Variants in OLFML2A observed in about 807,000 individuals in gnomAD.
The protein encoded by OLFML2A is olfactomedin like 2A, also known as olfactomedin-like protein 2A.
A neutral mutation model predicts 60.9 loss-of-function variants in OLFML2A; 47 were observed. The observed-to-expected ratio is 0.77, with a 90% CI of 0.61 to 0.98. The LOEUF (loss-of-function observed/expected upper bound fraction) is 0.98, where lower values mean the gene tolerates loss of function less well. Ranked by LOEUF, OLFML2A falls within the 50% of genes least tolerant of loss-of-function variation. The pLI, the probability that OLFML2A is intolerant of heterozygous loss-of-function variation, is 0.00. For synonymous variants in OLFML2A, 372 were observed against 375.0 expected (o/e 0.99, Z 0.09); for missense variants, 922 against 879.8 (o/e 1.05, Z -0.61).
chr9:124,777,780 A>C lies in OLFML2A; in HGVS notation c.90+420A>C, dbSNP rs1841284298. Among the ~76,000 whole-genome samples, 1 of 152,042 alleles carries C rather than the reference A, an allele frequency of 6.6e-6. No individual in the cohort carries two copies. The highest frequency in any genetic ancestry group is 6.6e-5 in the Admixed American group (1 of 15,266). ...GACTGGGGGTCTTCTCTACCCGATG[A>C]ACGCAGCCGCGCTGGCCACTCGCCT... On this transcript the variant is annotated intron_variant, in intron 1 of 7. Transcript: ENST00000373580. This position sits in a 1 kb window ranked among gnomAD's most constrained non-coding sequence, Gnocchi z 6.2.
chr9:124,797,774 A>T (rs541121414), intron 3 of OLFML2A, among the ~76,000 whole-genome samples: 8 of 152,312 alleles, frequency 5.3e-5, no homozygotes, highest in South Asian at 2.1e-4. Context: ...CTCTCCAGTG[A>T]ACAAGGCCAG....
In OLFML2A at chr9:124,801,639, C is replaced by T. The variant is rs752668410; in HGVS notation, c.895C>T (p.Gln299Ter). Reference protein sequence around the residue: ...RGFTYYKAGKQEVTEAVADNT... With the variant: ...RGFTYYKAGK ...CTTCACCTACTACAAGGCAGGCAAG[C>T]AGGAGGTGACCGAGGCGGTGGCAGG... Residue 299 changes from glutamine to a stop codon, truncating the protein, a stop_gained, in exon 5 of 8, where the codon CAG becomes TAG. Coordinates refer to ENST00000373580, the MANE Select transcript of OLFML2A (RefSeq NM_182487.4). LOFTEE classifies it high-confidence loss of function. The T allele has an allele frequency of 1.4e-5, 22 of 1,613,426 alleles. No individual in the cohort carries two copies. The highest frequency in any genetic ancestry group is 1.9e-5 in the Non-Finnish European group (22 of 1,179,790).
rs1336361375 is a variant in OLFML2A, at chr9:124,799,378, G to A, written c.556G>A (p.Ala186Thr). The A allele has an allele frequency of 6.2e-7, 1 of 1,613,818 alleles. No homozygotes were observed. Among genetic ancestry groups the A allele is most frequent in the African/African-American group, 1.3e-5 (1 of 74,948 alleles). ...EQLRHYENHSAIMLGIKKELS... is the reference protein window; with the variant it reads ...EQLRHYENHSTIMLGIKKELS... Reference sequence around the variant, plus strand: ...GTTGAGGCACTATGAGAATCACTCTGCCATCATGCTGGGCATCAAGAAGGA... The same window carrying A: ...GTTGAGGCACTATGAGAATCACTCTACCATCATGCTGGGCATCAAGAAGGA... Residue 186 changes from alanine to threonine, a missense_variant, in exon 4 of 8, where the codon GCC (alanine) becomes ACC (threonine). Physicochemically the swap from Ala to Thr is moderately conservative, Grantham distance 58. Coordinates refer to ENST00000373580, the MANE Select transcript of OLFML2A (RefSeq NM_182487.4).
In OLFML2A at chr9:124,787,061, C is replaced by G. The variant is rs185531703; in HGVS notation, c.177C>G (p.Asp59Glu). The change falls in exon 2 of 8, where the codon GAC (aspartate) becomes GAG (glutamate). Residue 59 changes from aspartate to glutamate, a missense_variant. Transcript: ENST00000373580. ...GCATCATGCGGCCCCTGAGCAAGGA[C>G]GCGTGTAGCCGAGTGCGCAGTGGGC... ...CKCIMRPLSK[D>E]ACSRVRSGRA... 3.5e-5 allele frequency: 57 copies of G among 1,614,050 alleles called. No individual in the cohort carries two copies. In the South Asian group the frequency reaches 6.1e-4, roughly 17 times the overall value.
intron 6 of OLFML2A, 125 bp from the exon 7 acceptor site, chr9:124,807,656 A>G: frequency 1.5e-6 from 1 of 680,892 alleles, no homozygotes; most frequent in Non-Finnish European, 2.4e-6. Context: ...GGAAAGGGGA[A>G]AGAAGGCCAC....
rs1355103363 is a variant in OLFML2A, at chr9:124,810,045, G to A, written c.1592G>A (p.Trp531Ter). The change falls in exon 8 of 8, where the codon TGG (tryptophan) becomes TAG (stop). Residue 531 changes from tryptophan to a stop codon, truncating the protein, a stop_gained. Coordinates refer to ENST00000373580, the MANE Select transcript of OLFML2A (RefSeq NM_182487.4). LOFTEE classifies it high-confidence loss of function. ...IDFAVDESGL[W>*]VIYPAVDDRD... ...TTTGCCGTGGACGAGAGCGGCCTGT[G>A]GGTCATCTACCCCGCCGTGGACGAC... 1.2e-6 allele frequency: 2 copies of A among 1,613,798 alleles called. No individual in the cohort carries two copies. Among genetic ancestry groups the A allele is most frequent in the African/African-American group, 2.7e-5 (2 of 74,916 alleles).
At chr9:124,805,576 G>A (rs1841876292) in intron 6 of OLFML2A, among the ~76,000 whole-genome samples, 1 of 151,924 alleles carries the variant, frequency 6.6e-6, no homozygotes, top group African/African-American at 2.4e-5. Flanking sequence ...AAAAAGAAAA[G>A]GAAGGAAATG....
chr9:124,805,838 C>T (rs532334072), intron 6 of OLFML2A, among the ~76,000 whole-genome samples: 6 of 93,926 alleles, frequency 6.4e-5, no homozygotes, highest in East Asian at 3.8e-4. Flanking sequence ...TTTTTTGAGA[C>T]GGAGTCTGAC....
intron 2 of OLFML2A, among the ~76,000 whole-genome samples, chr9:124,788,400 G>A (rs1317575465): frequency 6.6e-6 from 1 of 151,958 alleles, no homozygotes; most frequent in Non-Finnish European, 1.5e-5. Context: ...GAGGTCAGGA[G>A]CTCAAGAGCA....
intron 1 of OLFML2A, among the ~76,000 whole-genome samples, chr9:124,782,941 G>A (rs1024233570): frequency 3.9e-5 from 6 of 152,202 alleles, no homozygotes; most frequent in Admixed American, 2.6e-4. Context: ...GGAGTGGCAA[G>A]AGATTCCAGC....
intron 6 of OLFML2A, among the ~76,000 whole-genome samples, chr9:124,805,527 G>A (rs1841875134): frequency 6.6e-6 from 1 of 151,986 alleles, no homozygotes; most frequent in African/African-American, 2.4e-5. Flanking sequence ...TATACTCACA[G>A]TTTTTTAAAG....
Position 124,806,113 on chromosome 9 carries a change from G to C in OLFML2A, c.1169-1668G>C, listed in dbSNP as rs555759124. ...AAGAACAGAAGAAAATTTTTCTCTGGATAATGGCAGTTTTTAGGTTTTTAT... is the reference window on the plus strand; with the variant it reads ...AAGAACAGAAGAAAATTTTTCTCTGCATAATGGCAGTTTTTAGGTTTTTAT... On this transcript the variant is annotated intron_variant, in intron 6 of 7. Transcript: ENST00000373580. 1.5e-4 allele frequency among the ~76,000 whole-genome samples: 22 copies of C among 151,574 alleles called. No individual in the cohort carries two copies. In the East Asian group the frequency reaches 4.1e-3, roughly 28 times the overall value.
rs142271895 is a variant in OLFML2A, at chr9:124,777,831, C to T, written c.90+471C>T. ...GGCCTCTGATGTTCTTGCCAGGGAC[C>T]GGGTGCACCCCCTGGAGGACTAGGT... On this transcript the variant is annotated intron_variant, in intron 1 of 7. Transcript: ENST00000373580. The surrounding 1 kb of genome is among the most constrained non-coding windows in gnomAD (Gnocchi z 6.2). Among the ~76,000 whole-genome samples the T allele has an allele frequency of 0.033, 4,983 of 152,276 alleles. 121 individuals carry two copies. The highest frequency in any genetic ancestry group is 0.085 in the Middle Eastern group (25 of 294).
At position 124,804,146 on chromosome 9, in the gene OLFML2A, G is replaced by T; in HGVS notation, c.972G>T (p.Glu324Asp). 1.2e-6 allele frequency: 2 copies of T among 1,614,122 alleles called. No homozygotes were observed. Among genetic ancestry groups the T allele is most frequent in the Non-Finnish European group, 1.7e-6 (2 of 1,179,986 alleles). ...SWLEQLPPKV[E>D]GRSNSAEPNS... ...TGGAGCAACTGCCGCCCAAGGTGGAGGGCAGGTCCAACTCCGCAGAGCCCA... is the reference window on the plus strand; with the variant it reads ...TGGAGCAACTGCCGCCCAAGGTGGATGGCAGGTCCAACTCCGCAGAGCCCA... The change falls in exon 6 of 8, where the codon GAG (glutamate) becomes GAT (aspartate). Residue 324 changes from glutamate (E) to aspartate (D), a missense_variant. Glu to Asp is a conservative substitution (Grantham distance 45). Transcript: ENST00000373580.
At chr9:124,794,944 C>T in intron 2 of OLFML2A, 80 bp from the exon 3 acceptor site, 1 of 823,342 alleles carries the variant, frequency 1.2e-6, no homozygotes, top group Non-Finnish European at 2.0e-6. Flanking sequence ...TTCTCAATTG[C>T]AGCAGGGTTC....
At chr9:124,803,783 A>G (rs75298623) in intron 5 of OLFML2A, among the ~76,000 whole-genome samples, 5,431 of 152,262 alleles carry the variant, frequency 0.036, 251 homozygotes, top group African/African-American at 0.099. Context: ...GCAAATGTTT[A>G]TGTACATTTT....
At chr9:124,807,697 AC>A in intron 6 of OLFML2A, 83 bp from the exon 7 acceptor site, 3 of 1,080,340 alleles carry the variant, frequency 2.8e-6, no homozygotes, top group Non-Finnish European at 3.9e-6. Context: ...TTTAAGTTAG[AC>A]CCAGATAACA....
rs113598374 is a variant in OLFML2A at position 124,799,173 on chromosome 9, G to A, written c.463-112G>A. 4.1e-5 allele frequency: 31 copies of A among 750,968 alleles called. No individual in the cohort carries two copies. The East Asian group carries it at 5.6e-4, about 14-fold the overall frequency. 46.5% of individuals were successfully genotyped at this position (750,968 alleles called of 1,614,324 possible). ...TGCTCACTGCGGCCGCCCCTAGCCCGTTCGGGGGACTGGGCAGCAAAGCCT... is the reference window on the plus strand; with the variant it reads ...TGCTCACTGCGGCCGCCCCTAGCCCATTCGGGGGACTGGGCAGCAAAGCCT... On this transcript the variant is annotated intron_variant, in intron 3 of 7. Coordinates refer to ENST00000373580, the MANE Select transcript of OLFML2A (RefSeq NM_182487.4).
rs1315328488 is a variant in OLFML2A at position 124,787,231 on chromosome 9, T to C, written c.347T>C (p.Leu116Pro). ...AAACTCAAAAAGCAGGCGCCCGAGCTCCTCAAGGTAGACTTGGTGGGGTGA... is the reference window on the plus strand; with the variant it reads ...AAACTCAAAAAGCAGGCGCCCGAGCCCCTCAAGGTAGACTTGGTGGGGTGA... ...MEKLKKQAPE[L>P]LKLQSMVDLL... The change falls in exon 2 of 8, where the codon CTC becomes CCC. Residue 116 changes from leucine to proline, a missense_variant. Coordinates refer to ENST00000373580, the MANE Select transcript of OLFML2A (RefSeq NM_182487.4). 6.2e-7 allele frequency: 1 copy of C among 1,613,512 alleles called. No homozygotes were observed. Among genetic ancestry groups the C allele is most frequent in the Admixed American group, 1.7e-5 (1 of 59,998 alleles).
Sources: gnomAD v4.1 joint callset for allele counts (sites outside exome capture counted in the v4.1 genomes callset) on GRCh38, gnomAD v4.1.1 for gene constraint, Gnocchi (gnomAD v3.1) non-coding constraint, MANE v1.5 for transcripts, NCBI Gene and HGNC (gene_info 2026-07-23, HGNC 2026-07-21) for gene names.